The following MAP4K5 variants were observed in gnomAD, a reference collection of about 807,000 sequenced individuals.
MAP4K5 encodes mitogen-activated protein kinase kinase kinase kinase 5, also known as MAPK/ERK kinase kinase kinase 5.
MAP4K5 carries 82 observed loss-of-function variants against 135.6 expected under a neutral mutation model. The observed-to-expected ratio is 0.60, with a 90% CI of 0.51 to 0.73. The LOEUF (loss-of-function observed/expected upper bound fraction) is 0.73, where lower values mean the gene tolerates loss of function less well. Ranked by LOEUF, MAP4K5 falls within the 30% of genes least tolerant of loss-of-function variation. The pLI, the probability that MAP4K5 is intolerant of heterozygous loss-of-function variation, is 0.00. For synonymous variants in MAP4K5, 347 were observed against 335.0 expected, an observed-to-expected ratio of 1.04 and a Z score of -0.39; for missense variants, 907 against 1,010.9, an observed-to-expected ratio of 0.90 and a Z score of 1.39.
chr14:50,480,929 C>A lies in MAP4K5; in HGVS notation c.378+1432G>T, dbSNP rs534745581. On this transcript the variant is annotated intron_variant, in intron 6 of 32. Transcript: ENST00000682126. ...TACAGTAAAAATATAGTATTATAAC[C>A]TTATGGGACCACTGTTGTATATGTA... 3.3e-5 allele frequency among the ~76,000 whole-genome samples: 5 copies of A among 152,198 alleles called. No homozygotes were observed. In the East Asian group the frequency reaches 9.6e-4, roughly 29 times the overall value.
chr14:50,476,041 G>T, intron 8 of MAP4K5, 87 bp downstream of exon 8: 2 of 717,808 alleles, frequency 2.8e-6, no homozygotes, highest in Non-Finnish European at 2.2e-6. Context: ...TCTGCATAAT[G>T]TTAATTCTCA....
At chr14:50,558,997 A>T (rs1362939592) in intron 1 of MAP4K5, 1 of 152,204 alleles carries the variant, frequency 6.6e-6, no homozygotes, top group East Asian at 1.9e-4. Flanking sequence ...AGATATGTTG[A>T]TGTTCAAATG....
chr14:50,486,168 C>G lies in MAP4K5; in HGVS notation c.193G>C (p.Glu65Gln). Residue 65 changes from glutamate to glutamine, a missense_variant, in exon 4 of 33, where the codon GAA becomes CAA. Physicochemically the swap from Glu to Gln is conservative, Grantham distance 29. Transcript: ENST00000682126. ...PGDDFSLIQQ[E>Q]IFMVKECKHC... ...TTACATTCTTTAACCATAAATATTTCTTGTTGAATCAAAGAAAAATCATCT... is the reference window on the plus strand; with the variant it reads ...TTACATTCTTTAACCATAAATATTTGTTGTTGAATCAAAGAAAAATCATCT... The G allele has an allele frequency of 7.3e-7, 1 of 1,371,422 alleles. No individual in the cohort carries two copies. Among genetic ancestry groups the G allele is most frequent in the Admixed American group, 2.3e-5 (1 of 42,856 alleles). 85.0% of individuals were successfully genotyped at this position (1,371,422 alleles called of 1,614,324 possible).
intron 28 of MAP4K5, among the ~76,000 whole-genome samples, chr14:50,430,500 C>T (rs2035946221): frequency 6.6e-6 from 1 of 152,180 alleles, no homozygotes; most frequent in Non-Finnish European, 1.5e-5. Flanking sequence ...GGATTGGGGG[C>T]AGGCAGAAAA....
intron 2 of MAP4K5, among the ~76,000 whole-genome samples, chr14:50,530,212 T>C (rs2038357622): frequency 6.6e-6 from 1 of 152,176 alleles, no homozygotes; most frequent in African/African-American, 2.4e-5. Flanking sequence ...TTTTTGATTC[T>C]GTTTGGGAAC....
intron 12 of MAP4K5, 96 bp from the exon 13 acceptor site, chr14:50,462,877 G>C (rs2036743722): frequency 4.2e-6 from 3 of 721,304 alleles, no homozygotes; most frequent in Admixed American, 2.3e-5. Flanking sequence ...AACTAGCAGA[G>C]ACAAGTATAT....
chr14:50,439,333 T>TAAAAA (rs377755870), intron 23 of MAP4K5, among the ~76,000 whole-genome samples: 10 of 90,358 alleles, frequency 1.1e-4, no homozygotes, highest in African/African-American at 3.7e-4. Context: ...AGGTAAGAAT[T>TAAAAA]AAAAAAAAAA....
chr14:50,504,361 CTTCT>C (rs1441201841), intron 3 of MAP4K5, among the ~76,000 whole-genome samples: 4 of 152,072 alleles, frequency 2.6e-5, no homozygotes, highest in African/African-American at 9.7e-5. Context: ...AACAAGCAGT[CTTCT>C]GACACACAGA....
chr14:50,557,302 T>C (rs1201216041), intron 1 of MAP4K5, among the ~76,000 whole-genome samples: 1 of 152,252 alleles, frequency 6.6e-6, no homozygotes, highest in African/African-American at 2.4e-5. Flanking sequence ...CCTCTTCCCA[T>C]TCTTCCATTA....
chr14:50,442,552 C>T (rs2036252561), intron 21 of MAP4K5, among the ~76,000 whole-genome samples, 180 bp downstream of exon 21: 1 of 152,026 alleles, frequency 6.6e-6, no homozygotes, highest in Admixed American at 6.6e-5. Flanking sequence ...CTATACACTC[C>T]TAAATTTTAA....
At chr14:50,542,006 C>CAAAA (rs59075218) in intron 2 of MAP4K5, among the ~76,000 whole-genome samples, 9 of 62,474 alleles carry the variant, frequency 1.4e-4, no homozygotes, top group African/African-American at 2.4e-4. Context: ...GATTCCGTCT[C>CAAAA]AAAAAAAAAA....
intron 1 of MAP4K5, among the ~76,000 whole-genome samples, chr14:50,556,583 T>C (rs967494005): frequency 6.6e-5 from 10 of 152,136 alleles, no homozygotes; most frequent in African/African-American, 2.4e-4. Context: ...TTCTAAAACA[T>C]TTTCATTGCC....
At chr14:50,487,707 A>G (rs1023969150) in intron 3 of MAP4K5, among the ~76,000 whole-genome samples, 4 of 152,224 alleles carry the variant, frequency 2.6e-5, no homozygotes, top group Non-Finnish European at 5.9e-5. Context: ...CCTGTTCCTC[A>G]TTATCAGTTT....
chr14:50,470,160 T>C (rs906042309), intron 9 of MAP4K5, among the ~76,000 whole-genome samples: 1 of 152,130 alleles, frequency 6.6e-6, no homozygotes, highest in African/African-American at 2.4e-5. Flanking sequence ...AATCAGCTAG[T>C]GGTGGCTAAC....
intron 3 of MAP4K5, among the ~76,000 whole-genome samples, chr14:50,491,141 C>CA (rs2037476093): frequency 6.6e-6 from 1 of 150,962 alleles, no homozygotes. Context: ...GATTTTTTTT[C>CA]AAAAAAAGGT....
At position 50,419,449 on chromosome 14, in the gene MAP4K5, A is replaced by C. The variant is rs896909962; in HGVS notation, c.*570T>G. ...ACTTTACTACTCTTAAAAGATAAAC[A>C]AAATTCTTATACATTATAAAAAAAA... On this transcript the variant is annotated 3_prime_UTR_variant, in exon 33 of 33. Coordinates refer to ENST00000682126, the MANE Select transcript of MAP4K5 (RefSeq NM_006575.6). 1 of 152,658 alleles carries C rather than the reference A, an allele frequency of 6.6e-6. No homozygotes were observed. Among genetic ancestry groups the C allele is most frequent in the Non-Finnish European group, 1.5e-5 (1 of 68,070 alleles). 9.5% of individuals were successfully genotyped at this position (152,658 alleles called of 1,614,324 possible).
At chr14:50,472,066 T>G (rs2036977200) in intron 9 of MAP4K5, 1 of 152,302 alleles carries the variant, frequency 6.6e-6, no homozygotes, top group Non-Finnish European at 1.5e-5. Flanking sequence ...GTGATAAACT[T>G]TATGAATGTG....
intron 21 of MAP4K5, 24 bp downstream of exon 21, chr14:50,442,695 TTTTATTGGAGATG>T (rs767972245): frequency 2.9e-5 from 37 of 1,272,862 alleles, no homozygotes; most frequent in Admixed American, 4.1e-5. Context: ...ATAATAAATA[TTTTATTGGAGATG>T]TATATAAAAT....
intron 32 of MAP4K5, 92 bp downstream of exon 32, chr14:50,423,029 T>C: frequency 1.8e-6 from 1 of 561,962 alleles, no homozygotes; most frequent in South Asian, 3.2e-5. Flanking sequence ...CTTCTAAGAG[T>C]TTTGTTTGAA....
Sources: allele counts gnomAD v4.1 joint callset (sites outside exome capture counted in the v4.1 genomes callset), GRCh38; gene constraint gnomAD v4.1.1; transcripts MANE v1.5; gene names NCBI Gene and HGNC (gene_info 2026-07-23, HGNC 2026-07-21).